The following SUGCT variants were observed in gnomAD, a reference collection of about 807,000 sequenced individuals.
SUGCT encodes the protein succinyl-CoA:glutarate-CoA transferase, also known as succinyl-CoA:glutarate CoA-transferase.
A neutral mutation model predicts 55.0 loss-of-function variants in SUGCT; 41 were observed. The observed-to-expected ratio is 0.74, with a 90% CI of 0.58 to 0.97. The LOEUF is 0.97. Ranked by LOEUF, SUGCT falls within the 50% of genes least tolerant of loss-of-function variation. SUGCT has a pLI of 0.00. For missense variants in SUGCT, 568 were observed against 547.8 expected, an observed-to-expected ratio of 1.04 and a Z score of -0.37; for synonymous variants, 187 against 200.4, an observed-to-expected ratio of 0.93 and a Z score of 0.56.
intron 11 of SUGCT, among the ~76,000 whole-genome samples, chr7:40,495,866 C>T (rs551171671): frequency 2.0e-5 from 3 of 152,290 alleles, no homozygotes; most frequent in Admixed American, 2.0e-4. Context: ...TTTCTTAAAA[C>T]AGCTATATTA....
At chr7:40,549,827 G>A (rs749233988) in intron 12 of SUGCT, among the ~76,000 whole-genome samples, 1 of 151,848 alleles carries the variant, frequency 6.6e-6, no homozygotes, top group Non-Finnish European at 1.5e-5. Context: ...TGAGGGGAGT[G>A]GACAGTGGAA....
intron 7 of SUGCT, among the ~76,000 whole-genome samples, chr7:40,249,629 A>C (rs1790221798): frequency 6.6e-6 from 1 of 151,930 alleles, no homozygotes; most frequent in Non-Finnish European, 1.5e-5. Context: ...AAAGAGGTTA[A>C]ATAGTCTAGG....
chr7:40,990,082 A>T, the SUGCT span, among the ~76,000 whole-genome samples: 1 of 152,232 alleles, frequency 6.6e-6, no homozygotes, highest in Non-Finnish European at 1.5e-5. Flanking sequence ...ACTTTGCCCA[A>T]ATCCATCAGT....
the SUGCT span, among the ~76,000 whole-genome samples, chr7:41,003,081 G>A: frequency 6.6e-6 from 1 of 152,252 alleles, no homozygotes; most frequent in African/African-American, 2.4e-5. Flanking sequence ...TAAGAAAGAT[G>A]AAATCCGTGA....
intron 12 of SUGCT, among the ~76,000 whole-genome samples, chr7:40,518,643 A>G (rs1343627503): frequency 6.6e-6 from 1 of 152,130 alleles, no homozygotes; most frequent in Non-Finnish European, 1.5e-5. Context: ...TAGCTCCCAG[A>G]TCTTGTTTTC....
At position 40,653,310 on chromosome 7, in the gene SUGCT, T is replaced by C. The variant is rs546665312; in HGVS notation, c.1090-96124T>C. ...ACATTTCTTTTTTCTTCTGGTAAAA[T>C]AAAAAAGGGTTGAATATGGGATTAG... On this transcript the variant is annotated intron_variant, in intron 12 of 13. Coordinates refer to ENST00000335693, the MANE Select transcript of SUGCT (RefSeq NM_001193313.2). Among the ~76,000 whole-genome samples, 10 of 152,268 alleles carry C rather than the reference T, an allele frequency of 6.6e-5. No homozygotes were observed. In the South Asian group the frequency reaches 2.1e-3, roughly 32 times the overall value.
At chr7:40,898,577 T>C in the SUGCT span, among the ~76,000 whole-genome samples, 1 of 145,058 alleles carries the variant, frequency 6.9e-6, no homozygotes, top group African/African-American at 2.5e-5. Context: ...CAAAAAATTA[T>C]TTTGGGCGAG....
intron 13 of SUGCT, among the ~76,000 whole-genome samples, chr7:40,822,251 G>C (rs1399534434): frequency 6.6e-6 from 1 of 152,184 alleles, no homozygotes; most frequent in Non-Finnish European, 1.5e-5. Context: ...TTGATTTTGG[G>C]TGGAGAGTTC....
intron 12 of SUGCT, among the ~76,000 whole-genome samples, chr7:40,598,709 A>G (rs1417759979): frequency 1.3e-5 from 2 of 152,192 alleles, no homozygotes; most frequent in Non-Finnish European, 1.5e-5. Flanking sequence ...ACTGTAGGAT[A>G]TTATTTGAGA....
chr7:40,944,892 T>C, the SUGCT span, among the ~76,000 whole-genome samples: 1 of 152,244 alleles, frequency 6.6e-6, no homozygotes, highest in African/African-American at 2.4e-5. Flanking sequence ...AGACTCTGTA[T>C]GAGTTCCTTT....
intron 12 of SUGCT, among the ~76,000 whole-genome samples, chr7:40,500,661 C>T (rs1010023746): frequency 1.3e-5 from 2 of 152,190 alleles, no homozygotes; most frequent in Admixed American, 1.3e-4. Flanking sequence ...CTGTTTTCAT[C>T]TCATTATTTG....
At chr7:40,326,060 A>T (rs549413904) in intron 9 of SUGCT, among the ~76,000 whole-genome samples, 1 of 152,044 alleles carries the variant, frequency 6.6e-6, no homozygotes, top group South Asian at 2.1e-4. Context: ...GGGCAAGTGT[A>T]GGTTTCCCCC....
At position 40,439,082 on chromosome 7, in the gene SUGCT, A is replaced by G. The variant is rs371477441; in HGVS notation, c.817-10205A>G. ...ATATGGTGTATATATATATATATAT[A>G]TATATATATATATATATATATATAT... On this transcript the variant is annotated intron_variant, in intron 9 of 13. Transcript: ENST00000335693. Among the ~76,000 whole-genome samples, 1,024 of 115,070 alleles carry G rather than the reference A, an allele frequency of 8.9e-3. 96 individuals are homozygous for G. The highest frequency in any genetic ancestry group is 0.028 in the African/African-American group (716 of 25,400). 75.5% of individuals were successfully genotyped at this position (115,070 alleles called of 152,430 possible).
intron 9 of SUGCT, among the ~76,000 whole-genome samples, chr7:40,439,306 T>C (rs1233152722): frequency 6.6e-6 from 1 of 151,586 alleles, no homozygotes; most frequent in African/African-American, 2.4e-5. Flanking sequence ...TCGTGACTAC[T>C]CCTACACCTC....
intron 13 of SUGCT, among the ~76,000 whole-genome samples, chr7:40,776,153 AC>A (rs1303972674): frequency 6.6e-6 from 1 of 152,178 alleles, no homozygotes; most frequent in Non-Finnish European, 1.5e-5. Context: ...GAGAACTAAA[AC>A]AAGTCAACTC....
chr7:40,369,308 T>A (rs1784167501), intron 9 of SUGCT, among the ~76,000 whole-genome samples: 1 of 152,158 alleles, frequency 6.6e-6, no homozygotes, highest in Non-Finnish European at 1.5e-5. Context: ...TGAAGTAGAC[T>A]ATTATTAGAG....
the SUGCT span, chr7:40,979,952 T>A: frequency 6.6e-6 from 1 of 152,208 alleles, no homozygotes. Flanking sequence ...GTTCATCTGC[T>A]CAGGCTGTCA....
chr7:40,476,029 G>C (rs1450625886), intron 11 of SUGCT, among the ~76,000 whole-genome samples: 2 of 152,024 alleles, frequency 1.3e-5, no homozygotes, highest in East Asian at 1.9e-4. Flanking sequence ...TCTGGGGCTC[G>C]TACTGTCTCA....
At chr7:40,373,135 C>T (rs541232704) in intron 9 of SUGCT, among the ~76,000 whole-genome samples, 2 of 151,926 alleles carry the variant, frequency 1.3e-5, no homozygotes, top group African/African-American at 4.8e-5. Flanking sequence ...CACTATCGTA[C>T]TACAAATTCC....
Sources: allele counts gnomAD v4.1 joint callset (sites outside exome capture counted in the v4.1 genomes callset), GRCh38; gene constraint gnomAD v4.1.1; transcripts MANE v1.5; gene names NCBI Gene and HGNC (gene_info 2026-07-23, HGNC 2026-07-21).